Variants in TMC6 observed in about 807,000 individuals in gnomAD.
TMC6 encodes the protein transmembrane channel-like protein 6.
A neutral mutation model predicts 95.4 loss-of-function variants in TMC6; 71 were observed. That is an observed-to-expected ratio of 0.74 (90% confidence interval 0.61 to 0.91). TMC6 has a LOEUF of 0.91. Ranked by LOEUF, TMC6 falls within the 40% of genes least tolerant of loss-of-function variation. TMC6 has a pLI of 0.00. For missense variants in TMC6, 1,074 were observed against 1,079.1 expected (o/e 1.00, Z 0.07); for synonymous variants, 514 against 483.1 (o/e 1.06, Z -0.84).
At chr17:78,118,425 G>A (rs1002683454) in intron 15 of TMC6, among the ~76,000 whole-genome samples, 12 of 152,156 alleles carry the variant, frequency 7.9e-5, no homozygotes, top group Admixed American at 2.0e-4. Context: ...GTGTGGTGGC[G>A]GGCGCCTGTA....
intron 13 of TMC6, chr17:78,120,410 T>G: frequency 1.6e-6 from 1 of 606,360 alleles, no homozygotes; most frequent in South Asian, 1.5e-5. Flanking sequence ...TCCACTCACC[T>G]CAGCCTCCCA....
chr17:78,132,241 C>T (rs1466197650), upstream of TMC6: 13 of 1,417,578 alleles, frequency 9.2e-6, no homozygotes, highest in African/African-American at 2.8e-5. Context: ...CCTCCGGACT[C>T]GGGCGGGTGG....
chr17:78,126,823 G>T lies in TMC6; in HGVS notation c.10C>A (p.Pro4Thr), dbSNP rs756095076. The change falls in exon 2 of 20, where the codon CCA (proline) becomes ACA (threonine). Residue 4 changes from proline (P) to threonine (T), a missense_variant. Pro to Thr is a conservative substitution (Grantham distance 38). Coordinates refer to ENST00000590602, the MANE Select transcript of TMC6 (RefSeq NM_001127198.5). MAQ[P>T]LAFILDVPET... ...GGGACATCGAGGATGAAGGCCAGTG[G>T]CTGGGCCATGTCTCTGGCCAATGCC... The T allele has an allele frequency of 1.9e-6, 3 of 1,612,410 alleles. No homozygotes were observed. Among genetic ancestry groups the T allele is most frequent in the African/African-American group, 2.7e-5 (2 of 74,872 alleles).
intron 8 of TMC6, 118 bp downstream of exon 8, chr17:78,124,406 T>A: frequency 1.3e-6 from 2 of 1,509,124 alleles, no homozygotes; most frequent in South Asian, 1.2e-5. Flanking sequence ...TGTGGCCACC[T>A]GGAGTCACAG....
chr17:78,124,662 A>G lies in TMC6; in HGVS notation c.753T>C (p.Phe251=), dbSNP rs893844710. The change falls in exon 8 of 20, where the codon TTT becomes TTC. Residue 251 remains phenylalanine, a synonymous_variant. Transcript: ENST00000590602. ...CATTGAAAGCCAGCAGGGTCTTGAG[A>G]AAGAGGAAGTAGGAGAGCACGCTGG... ...FGSSVLSYFL[F]LKTLLAFNAL... 3.7e-6 allele frequency: 6 copies of G among 1,610,948 alleles called. No individual in the cohort carries two copies. Among genetic ancestry groups the G allele is most frequent in the Non-Finnish European group, 4.2e-6 (5 of 1,179,070 alleles).
In TMC6 at chr17:78,121,518, C is replaced by T. The variant is rs1037386970; in HGVS notation, c.1383+38G>A. The T allele has an allele frequency of 1.7e-5, 27 of 1,610,268 alleles. No individual in the cohort carries two copies. The highest frequency in any genetic ancestry group is 8.3e-5 in the Admixed American group (5 of 59,952). On this transcript the variant is annotated intron_variant, in intron 11 of 19. Coordinates refer to ENST00000590602, the MANE Select transcript of TMC6 (RefSeq NM_001127198.5). The surrounding 1 kb of genome is among the most constrained non-coding windows in gnomAD (Gnocchi z 5.6). Reference sequence around the variant, plus strand: ...CAGGTGCCCAGAGTCACTGGGGACACGTTCCAAGCAAGGGCCAGGCTCCCC... The same window carrying T: ...CAGGTGCCCAGAGTCACTGGGGACATGTTCCAAGCAAGGGCCAGGCTCCCC...
Position 78,128,424 on chromosome 17 carries a change from C to T in TMC6, c.-75+188G>A, listed in dbSNP as rs541014003. Among the ~76,000 whole-genome samples the T allele has an allele frequency of 6.6e-6, 1 of 152,304 alleles. No homozygotes were observed. The highest frequency in any genetic ancestry group is 2.4e-5 in the African/African-American group (1 of 41,578). ...TGCTCCCCGCACTGTCCTCCCCGCC[C>T]CTGCCGCTCCCAGCTCTGTCCGAGC... is the stretch of plus-strand genomic sequence containing the variant. On this transcript the variant is annotated intron_variant, in intron 1 of 19. Coordinates refer to ENST00000590602, the MANE Select transcript of TMC6 (RefSeq NM_001127198.5). This position sits in a 1 kb window ranked among gnomAD's most constrained non-coding sequence, Gnocchi z 4.0.
chr17:78,125,618 G>A, intron 5 of TMC6, 108 bp downstream of exon 5: 1 of 1,478,068 alleles, frequency 6.8e-7, no homozygotes, highest in Non-Finnish European at 9.1e-7. Flanking sequence ...GATAGGAGAG[G>A]GGCCTCTGGC....
chr17:78,127,016 C>G (rs1389540478), intron 1 of TMC6, 110 bp from the exon 2 acceptor site: 4 of 683,742 alleles, frequency 5.9e-6, no homozygotes, highest in Non-Finnish European at 1.0e-5. Flanking sequence ...CCCAGACAGT[C>G]CCGCCCACCC....
rs1281470739 is a variant in TMC6 at position 78,117,452 on chromosome 17, C to A, written c.2198+16G>T. On this transcript the variant is annotated intron_variant, in intron 17 of 19. Transcript: ENST00000590602. ...AGGGCCATCTCCCCAGGGCCGCCCCCACCTGCGGGACTCACAGCAGCAGGG... is the reference window on the plus strand; with the variant it reads ...AGGGCCATCTCCCCAGGGCCGCCCCAACCTGCGGGACTCACAGCAGCAGGG... 3.1e-6 allele frequency: 5 copies of A among 1,610,386 alleles called. No individual in the cohort carries two copies. In the Admixed American group the frequency reaches 5.0e-5, roughly 16 times the overall value.
chr17:78,117,606 A>C lies in TMC6; in HGVS notation c.2060T>G (p.Leu687Arg). The C allele has an allele frequency of 6.3e-7, 1 of 1,579,588 alleles. No individual in the cohort carries two copies. The highest frequency in any genetic ancestry group is 1.1e-5 in the South Asian group (1 of 87,188). ...CCTGCCGGCCTCGTACATGGTGTCC[A>C]GGGTCCGGAAGGGGCCGCAGGTGCT... ...PSSTCGPFRTLDTMYEAGRVW... is the reference protein window; with the variant it reads ...PSSTCGPFRTRDTMYEAGRVW... The change falls in exon 17 of 20, where the codon CTG (leucine) becomes CGG (arginine). Residue 687 changes from leucine to arginine, a missense_variant. Coordinates refer to ENST00000590602, the MANE Select transcript of TMC6 (RefSeq NM_001127198.5).
chr17:78,118,233 G>A, intron 15 of TMC6: 2 of 510,080 alleles, frequency 3.9e-6, no homozygotes, highest in South Asian at 4.2e-5. Context: ...CCCCACTGCA[G>A]GGATGAGGAA....
chr17:78,115,614 G>C (rs565786738), intron 18 of TMC6, among the ~76,000 whole-genome samples: 88 of 140,294 alleles, frequency 6.3e-4, no homozygotes, highest in African/African-American at 2.2e-3. Flanking sequence ...CCTGGGCAGA[G>C]AGGAGCGAAG....
In TMC6 at chr17:78,111,229, G is replaced by C. The variant is rs1320237241; in HGVS notation, c.*1919C>G. 1 of 152,354 alleles carries C rather than the reference G, an allele frequency of 6.6e-6. No individual in the cohort carries two copies. The highest frequency in any genetic ancestry group is 2.4e-5 in the African/African-American group (1 of 41,454). 9.4% of individuals were successfully genotyped at this position (152,354 alleles called of 1,614,324 possible). On this transcript the variant is annotated 3_prime_UTR_variant, in exon 20 of 20. Transcript: ENST00000590602. ...CTGGGCCCCACAGCCTGGCCTGGTT[G>C]ACACGAAAGACTGACTAGCACACAC... is the stretch of plus-strand genomic sequence containing the variant.
At position 78,124,870 on chromosome 17, in the gene TMC6, G is replaced by A. The variant is rs2074618552; in HGVS notation, c.633+19C>T. 3 of 1,591,000 alleles carry A rather than the reference G, an allele frequency of 1.9e-6. No individual in the cohort carries two copies. The highest frequency in any genetic ancestry group is 1.1e-5 in the South Asian group (1 of 88,746). On this transcript the variant is annotated intron_variant, in intron 7 of 19. Coordinates refer to ENST00000590602, the MANE Select transcript of TMC6 (RefSeq NM_001127198.5). ...CCTGCCCAGCCGCCCCAGCCCCAGGGCAGACCAGGGGCCCATACCAGCACG... is the reference window on the plus strand; with the variant it reads ...CCTGCCCAGCCGCCCCAGCCCCAGGACAGACCAGGGGCCCATACCAGCACG...
chr17:78,123,813 GTAGA>G (rs897385895), intron 9 of TMC6, among the ~76,000 whole-genome samples, 172 bp downstream of exon 9: 14 of 151,854 alleles, frequency 9.2e-5, no homozygotes, highest in South Asian at 6.2e-4. Flanking sequence ...GGGTGGGTAG[GTAGA>G]TGGATGGGTA....
chr17:78,124,159 G>A lies in TMC6; in HGVS notation c.912C>T (p.Val304=), dbSNP rs1054661302. 2 of 1,611,854 alleles carry A rather than the reference G, an allele frequency of 1.2e-6. No individual in the cohort carries two copies. Among genetic ancestry groups the A allele is most frequent in the African/African-American group, 1.3e-5 (1 of 74,876 alleles). Residue 304 remains valine, a synonymous_variant, in exon 9 of 20, where the codon GTC becomes GTT. Coordinates refer to ENST00000590602, the MANE Select transcript of TMC6 (RefSeq NM_001127198.5). ...CGTTACTGTAGTGGCCGTAGTACATGACGGTGTGGGTGAAGCAACCCTGCC... is the reference window on the plus strand; with the variant it reads ...CGTTACTGTAGTGGCCGTAGTACATAACGGTGTGGGTGAAGCAACCCTGCC... ...LTGAGCFTHT[V]MYYGHYSNAT... is the part of the protein sequence containing the mutation.
At chr17:78,123,274 A>G (rs1464411720) in intron 9 of TMC6, among the ~76,000 whole-genome samples, 1 of 152,232 alleles carries the variant, frequency 6.6e-6, no homozygotes, top group East Asian at 1.9e-4. Context: ...AAGCCCCCCT[A>G]GGACATTTAC....
intron 18 of TMC6, 50 bp downstream of exon 18, chr17:78,117,219 A>C (rs761391066): frequency 6.3e-7 from 1 of 1,585,010 alleles, no homozygotes; most frequent in Non-Finnish European, 8.7e-7. Context: ...CGTCACCCTC[A>C]GGTGACCTGA....
Sources: gnomAD v4.1 joint callset for allele counts (sites outside exome capture counted in the v4.1 genomes callset) on GRCh38, gnomAD v4.1.1 for gene constraint, Gnocchi (gnomAD v3.1) non-coding constraint, MANE v1.5 for transcripts, NCBI Gene and HGNC (gene_info 2026-07-23, HGNC 2026-07-21) for gene names.